PRPF39: variants seen among roughly 807,000 people sequenced by gnomAD.
PRPF39 encodes pre-mRNA-processing factor 39.
Under a neutral mutation model 82.1 loss-of-function variants are expected in PRPF39, and 27 were observed. That is an observed-to-expected ratio of 0.33 (90% CI 0.24 to 0.45). PRPF39 has a LOEUF of 0.45. PRPF39 is among the 20% of genes least tolerant of loss of function. The probability of loss-of-function intolerance (pLI) is 1.00; values close to 1 mark genes in which losing one functional copy is unlikely to be tolerated. For missense variants in PRPF39, 581 were observed against 796.9 expected (o/e 0.73, Z 3.26); for synonymous variants, 261 against 256.4 (o/e 1.02, Z -0.17).
At chr14:45,108,334 A>C (rs1884602234) in intron 6 of PRPF39, 81 bp from the exon 7 acceptor site, 1 of 1,382,340 alleles carries the variant, frequency 7.2e-7, no homozygotes, top group African/African-American at 1.5e-5. Context: ...TCTGTGAATA[A>C]TACTTAAATA....
rs1884385617 is a variant in PRPF39 at position 45,101,840 on chromosome 14, T to C, written c.570-689T>C. 1.3e-5 allele frequency among the ~76,000 whole-genome samples: 2 copies of C among 151,286 alleles called. 1 individual carries two copies. Among genetic ancestry groups the C allele is most frequent in the Non-Finnish European group, 2.9e-5 (2 of 67,878 alleles). ...TTTTTTTTTTGAGACAGAGTCGCGC[T>C]CTGTCGCCCAGTCTGGAGTGCAGTG... On this transcript the variant is annotated intron_variant, in intron 4 of 13. Transcript: ENST00000355765.
rs758197072 is a variant in PRPF39, at chr14:45,110,647, C to T, written c.1402C>T (p.His468Tyr). Residue 468 changes from histidine (H) to tyrosine (Y), a missense_variant, in exon 10 of 14, where the codon CAT (histidine) becomes TAT (tyrosine). Transcript: ENST00000355765. The surrounding 1 kb of genome is among the most constrained non-coding windows in gnomAD (Gnocchi z 4.0). ...RLRRVSLERR[H>Y]GNLEEAEHLL... ...ACGAAGAGTAAGTTTAGAACGACGGCATGGAAATCTGGAAGAAGCTGAACA... is the reference window on the plus strand; with the variant it reads ...ACGAAGAGTAAGTTTAGAACGACGGTATGGAAATCTGGAAGAAGCTGAACA... 6.3e-7 allele frequency: 1 copy of T among 1,576,626 alleles called. No individual in the cohort carries two copies. Among genetic ancestry groups the T allele is most frequent in the Non-Finnish European group, 8.6e-7 (1 of 1,159,722 alleles).
chr14:45,115,934 T>TTAAG lies in PRPF39; in HGVS notation c.*1023_*1026dup. The TTAAG allele has an allele frequency of 2.5e-6, 1 of 392,210 alleles. No homozygotes were observed. The highest frequency in any genetic ancestry group is 4.8e-6 in the Non-Finnish European group (1 of 210,482). The allele number at this position is 392,210 out of a possible 1,614,324, so 24.3% of individuals were successfully genotyped here. A position where few individuals can be genotyped will look rare whatever the true frequency, so the allele number is the denominator to read the frequency against. ...AGTGGATCAATTTTTATTGAGCCAC[T>TTAAG]TAAGTTTACAACATGAGGTAAAAGG... On this transcript the variant is annotated 3_prime_UTR_variant, in exon 14 of 14. Coordinates refer to ENST00000355765, the MANE Select transcript of PRPF39 (RefSeq NM_017922.4).
intron 7 of PRPF39, 31 bp from the exon 8 acceptor site, chr14:45,109,585 C>T (rs1426270404): frequency 1.3e-6 from 2 of 1,569,382 alleles, no homozygotes; most frequent in Non-Finnish European, 1.7e-6. Flanking sequence ...TATTGGTTTA[C>T]TTTCATTGGC....
At chr14:45,094,379 A>G (rs1184232004) in intron 1 of PRPF39, among the ~76,000 whole-genome samples, 1 of 152,150 alleles carries the variant, frequency 6.6e-6, no homozygotes, top group Non-Finnish European at 1.5e-5. Flanking sequence ...TTATGTAGTT[A>G]TTATCCAGAC....
intron 4 of PRPF39, among the ~76,000 whole-genome samples, chr14:45,097,539 T>C (rs1884239359): frequency 6.6e-6 from 1 of 152,188 alleles, no homozygotes; most frequent in Admixed American, 6.5e-5. Context: ...CTCAGTTTTA[T>C]CAAATGTTCC....
intron 1 of PRPF39, among the ~76,000 whole-genome samples, chr14:45,091,482 T>G (rs2139038261): frequency 6.6e-6 from 1 of 152,320 alleles, no homozygotes; most frequent in East Asian, 1.9e-4. Flanking sequence ...AGAATCTGGG[T>G]TTTGTATCCG....
chr14:45,110,845 T>G lies in PRPF39; in HGVS notation c.1572+28T>G. ...ATGCATTTGTATTTTTAAGAGTATC[T>G]TCTATTAAAAAAACCAGTGGTCAGT... On this transcript the variant is annotated intron_variant, in intron 10 of 13. Transcript: ENST00000355765. This position sits in a 1 kb window ranked among gnomAD's most constrained non-coding sequence, Gnocchi z 4.0. The G allele has an allele frequency of 6.6e-7, 1 of 1,523,198 alleles. No individual in the cohort carries two copies. Among genetic ancestry groups the G allele is most frequent in the Non-Finnish European group, 8.8e-7 (1 of 1,130,088 alleles). The allele number at this position is 1,523,198 out of a possible 1,614,324, so 94.4% of individuals were successfully genotyped here.
chr14:45,107,104 C>T (rs1951380977), intron 5 of PRPF39, among the ~76,000 whole-genome samples: 2 of 152,090 alleles, frequency 1.3e-5, no homozygotes. Flanking sequence ...TAGGTATTAT[C>T]ATCTTATTTT....
At chr14:45,085,820 A>G (rs1883808468) in intron 1 of PRPF39, among the ~76,000 whole-genome samples, 2 of 152,100 alleles carry the variant, frequency 1.3e-5, no homozygotes, top group South Asian at 2.1e-4. Context: ...TGCTCTACCC[A>G]AAACTCCTTT....
In PRPF39 at chr14:45,095,497, A is replaced by G; in HGVS notation, c.258A>G (p.Lys86=). The change falls in exon 2 of 14, where the codon AAA becomes AAG. Residue 86 remains lysine, a synonymous_variant. Coordinates refer to ENST00000355765, the MANE Select transcript of PRPF39 (RefSeq NM_017922.4). ...CTCCAGAATATGAAAAATTTTGGAA[A>G]ACTGTAGAAAATAATCCTCAGGATT... ...NFPPEYEKFW[K]TVENNPQDFT... is the part of the protein sequence containing the mutation. The G allele has an allele frequency of 6.2e-7, 1 of 1,613,632 alleles. No homozygotes were observed. Among genetic ancestry groups the G allele is most frequent in the Non-Finnish European group, 8.5e-7 (1 of 1,179,684 alleles).
chr14:45,112,602 T>A, intron 11 of PRPF39, 100 bp downstream of exon 11: 5 of 1,174,178 alleles, frequency 4.3e-6, no homozygotes, highest in Middle Eastern at 3.1e-4. Flanking sequence ...TTGTTAAATT[T>A]TAAAATGTTC....
intron 4 of PRPF39, among the ~76,000 whole-genome samples, chr14:45,099,231 T>G (rs947522497): frequency 2.6e-5 from 4 of 152,172 alleles, no homozygotes; most frequent in African/African-American, 9.6e-5. Context: ...TGTCCTTCTA[T>G]TCTTAGAAAT....
In PRPF39 at chr14:45,116,152, G is replaced by A; in HGVS notation, c.*1239G>A. ...GTTGTGTAAATTTCTTCAAGGCCAA[G>A]TTTTATCATTGTTGCTAATATCCTT... On this transcript the variant is annotated 3_prime_UTR_variant, in exon 14 of 14. Coordinates refer to ENST00000355765, the MANE Select transcript of PRPF39 (RefSeq NM_017922.4). 1 of 1,413,290 alleles carries A rather than the reference G, an allele frequency of 7.1e-7. No individual in the cohort carries two copies. The highest frequency in any genetic ancestry group is 1.0e-6 in the Non-Finnish European group (1 of 1,003,202). 87.5% of individuals were successfully genotyped at this position (1,413,290 alleles called of 1,614,324 possible). A position where few individuals can be genotyped will look rare whatever the true frequency, so the allele number is the denominator to read the frequency against.
intron 5 of PRPF39, 62 bp from the exon 6 acceptor site, chr14:45,107,389 A>ATATAG: frequency 8.1e-7 from 1 of 1,230,392 alleles, no homozygotes; most frequent in East Asian, 2.6e-5. Context: ...ATATAGTAGG[A>ATATAG]ATCTCAATAT....
At chr14:45,109,416 TAGAG>T (rs1345197663) in intron 7 of PRPF39, among the ~76,000 whole-genome samples, 196 bp from the exon 8 acceptor site, 3 of 151,996 alleles carry the variant, frequency 2.0e-5, no homozygotes, top group East Asian at 1.9e-4. Flanking sequence ...AATGGCAGAA[TAGAG>T]AGAAAATGTA....
chr14:45,100,291 G>A (rs1884334550), intron 4 of PRPF39, among the ~76,000 whole-genome samples: 1 of 152,170 alleles, frequency 6.6e-6, no homozygotes, highest in African/African-American at 2.4e-5. Flanking sequence ...GAAGCACTGT[G>A]TGTTTTGTAT....
chr14:45,096,115 G>C lies in PRPF39; in HGVS notation c.337G>C (p.Ala113Pro), dbSNP rs1421836746. Residue 113 changes from alanine to proline, a missense_variant, in exon 3 of 14, where the codon GCT becomes CCT. Ala to Pro is a conservative substitution (Grantham distance 27). Coordinates refer to ENST00000355765, the MANE Select transcript of PRPF39 (RefSeq NM_017922.4). The part of the protein sequence containing the change: ...QYVEQENHLM[A>P]ARKAFDRFFI... ...TTATTTTTATCAGAATCACTTGATG[G>C]CTGCCAGGAAGGCATTTGACAGATT... 6.4e-7 allele frequency: 1 copy of C among 1,571,836 alleles called. No homozygotes were observed. Among genetic ancestry groups the C allele is most frequent in the East Asian group, 2.3e-5 (1 of 43,022 alleles).
Position 45,102,525 on chromosome 14 carries a change from TC to T in PRPF39, c.570-3del. On this transcript the variant is annotated splice_polypyrimidine_tract_variant and splice_region_variant and intron_variant, in intron 4 of 13. Coordinates refer to ENST00000355765, the MANE Select transcript of PRPF39 (RefSeq NM_017922.4). ...GATAACTTAAGAGTAATTTAATTTTTCAGAACTTTTGAGCATGCTGTTCTAG... is the reference window on the plus strand; with the variant it reads ...GATAACTTAAGAGTAATTTAATTTTTAGAACTTTTGAGCATGCTGTTCTAG... 6.4e-7 allele frequency: 1 copy of T among 1,574,190 alleles called. No homozygotes were observed. Among genetic ancestry groups the T allele is most frequent in the Non-Finnish European group, 8.6e-7 (1 of 1,165,716 alleles).
Sources: allele counts gnomAD v4.1 joint callset (sites outside exome capture counted in the v4.1 genomes callset), GRCh38; gene constraint gnomAD v4.1.1; non-coding constraint Gnocchi (gnomAD v3.1); transcripts MANE v1.5; gene names NCBI Gene and HGNC (gene_info 2026-07-23, HGNC 2026-07-21).